The following FIG4 variants were observed in gnomAD, a reference collection of about 807,000 sequenced individuals.
FIG4 encodes the protein polyphosphoinositide phosphatase.
In FIG4, 112 loss-of-function variants were observed where a neutral mutation model predicts 118.6. The observed-to-expected ratio is 0.94, with a 90% CI of 0.81 to 1.11. The LOEUF (loss-of-function observed/expected upper bound fraction) is 1.11. FIG4 is among the 50% of genes least tolerant of loss of function. FIG4 has a pLI of 0.00. For synonymous variants in FIG4, 369 were observed against 381.2 expected, an observed-to-expected ratio of 0.97 and a Z score of 0.37; for missense variants, 969 against 1,111.7, an observed-to-expected ratio of 0.87 and a Z score of 1.83.
chr6:109,809,551 C>T (rs1778664359), intron 22 of FIG4, among the ~76,000 whole-genome samples: 1 of 152,070 alleles, frequency 6.6e-6, no homozygotes, highest in Non-Finnish European at 1.5e-5. Context: ...AGTTTGAGAA[C>T]TTGTTCGCAT....
At chr6:109,768,308 A>G (rs982226001) in intron 15 of FIG4, among the ~76,000 whole-genome samples, 3 of 152,180 alleles carry the variant, frequency 2.0e-5, no homozygotes, top group Non-Finnish European at 2.9e-5. Context: ...AGGGAATTGT[A>G]AGAGAGTCCC....
In FIG4 at chr6:109,811,074, G is replaced by T. The variant is rs73525132; in HGVS notation, c.2547-14014G>T. Among the ~76,000 whole-genome samples, 1,082 of 152,192 alleles carry T rather than the reference G, an allele frequency of 7.1e-3. 17 individuals are homozygous for T. The highest frequency in any genetic ancestry group is 0.025 in the African/African-American group (1,048 of 41,538). On this transcript the variant is annotated intron_variant, in intron 22 of 22. Coordinates refer to ENST00000230124, the MANE Select transcript of FIG4 (RefSeq NM_014845.6). ...ACAGACCTTTCTCATGTGCAGTGTT[G>T]GTTAATTTTTCATGTCACGTGCAGT... is the stretch of plus-strand genomic sequence containing the variant.
chr6:109,776,780 T>C, intron 15 of FIG4, 142 bp from the exon 16 acceptor site: 1 of 673,562 alleles, frequency 1.5e-6, no homozygotes. Flanking sequence ...GTAACTTATG[T>C]GTGTGTGTAT....
intron 22 of FIG4, among the ~76,000 whole-genome samples, chr6:109,810,694 A>G (rs1778695777): frequency 6.6e-6 from 1 of 152,246 alleles, no homozygotes; most frequent in Admixed American, 6.5e-5. Context: ...TAAATTGTTT[A>G]GTGCCCTCAG....
chr6:109,786,297 C>A lies in FIG4; in HGVS notation c.1949-5C>A. ...TTTTAGAGTAACATGCAGTATCTCT[C>A]TTAGTTATCTGTGCTGTGAACTTAA... On this transcript the variant is annotated splice_polypyrimidine_tract_variant and splice_region_variant and intron_variant, in intron 17 of 22. Transcript: ENST00000230124. 1 of 1,610,444 alleles carries A rather than the reference C, an allele frequency of 6.2e-7. No individual in the cohort carries two copies. The highest frequency in any genetic ancestry group is 8.5e-7 in the Non-Finnish European group (1 of 1,177,056).
At chr6:109,691,542 A>T (rs1181099616) in intron 1 of FIG4, 41 bp downstream of exon 1, 2 of 1,508,944 alleles carry the variant, frequency 1.3e-6, no homozygotes, top group Non-Finnish European at 1.8e-6. Flanking sequence ...GGGAGGATGG[A>T]TGTCTGCCGG....
chr6:109,704,194 C>T (rs1774987079), intron 1 of FIG4, among the ~76,000 whole-genome samples: 1 of 152,228 alleles, frequency 6.6e-6, no homozygotes, highest in Non-Finnish European at 1.5e-5. Context: ...GGATCTATTA[C>T]TCTCCTTCCT....
chr6:109,704,154 C>G (rs979134104), intron 1 of FIG4, among the ~76,000 whole-genome samples: 1 of 152,168 alleles, frequency 6.6e-6, no homozygotes, highest in Non-Finnish European at 1.5e-5. Flanking sequence ...TAAGTGGCAC[C>G]ATCATCTAGC....
rs1489507682 is a variant in FIG4, at chr6:109,764,949, AAG to A, written c.1435-63_1435-62del. On this transcript the variant is annotated intron_variant, in intron 13 of 22. Coordinates refer to ENST00000230124, the MANE Select transcript of FIG4 (RefSeq NM_014845.6). ...TGTTTTTGTTTCTTAAAGAAATCTA[AAG>A]TAGTATGGAAGTTCTTTGGTGATGG... 3.6e-5 allele frequency: 46 copies of A among 1,264,044 alleles called. No homozygotes were observed. In the African/African-American group the frequency reaches 6.3e-4, roughly 17 times the overall value. The allele number at this position is 1,264,044 out of a possible 1,614,324, so 78.3% of individuals were successfully genotyped here. A position where few individuals can be genotyped will look rare whatever the true frequency, so the allele number is the denominator to read the frequency against.
chr6:109,796,902 T>C lies in FIG4; in HGVS notation c.2546+51T>C, dbSNP rs1019380432. On this transcript the variant is annotated intron_variant, in intron 22 of 22. Coordinates refer to ENST00000230124, the MANE Select transcript of FIG4 (RefSeq NM_014845.6). ...GAAATCTTTGTATTCATGCCACTCA[T>C]AGGGCTTTCTTTAAAGACTTTTTAA... The C allele has an allele frequency of 4.8e-6, 5 of 1,039,636 alleles. No homozygotes were observed. In the African/African-American group the frequency reaches 7.8e-5, roughly 16 times the overall value. 64.4% of individuals were successfully genotyped at this position (1,039,636 alleles called of 1,614,324 possible).
At chr6:109,824,353 C>G (rs1212298239) in intron 22 of FIG4, among the ~76,000 whole-genome samples, 2 of 152,212 alleles carry the variant, frequency 1.3e-5, no homozygotes, top group Non-Finnish European at 2.9e-5. Context: ...TAATACATCC[C>G]CAGTGTGATT....
intron 1 of FIG4, among the ~76,000 whole-genome samples, chr6:109,704,453 C>T (rs557972865): frequency 7.2e-5 from 11 of 152,076 alleles, no homozygotes; most frequent in Admixed American, 2.6e-4. Flanking sequence ...GTCAGGAGTT[C>T]AAGACCAGCC....
At chr6:109,800,939 A>G (rs776184693) in intron 22 of FIG4, among the ~76,000 whole-genome samples, 60 of 152,288 alleles carry the variant, frequency 3.9e-4, no homozygotes, top group Admixed American at 9.2e-4. Context: ...TGGAGTGGCA[A>G]GACTTGCTGT....
intron 8 of FIG4, among the ~76,000 whole-genome samples, chr6:109,741,873 G>A (rs1776334819): frequency 6.6e-6 from 1 of 152,008 alleles, no homozygotes; most frequent in Non-Finnish European, 1.5e-5. Flanking sequence ...ATACTGTATT[G>A]TTAAGGGAAT....
At chr6:109,745,600 T>G (rs951455463) in intron 10 of FIG4, among the ~76,000 whole-genome samples, 1 of 152,196 alleles carries the variant, frequency 6.6e-6, no homozygotes, top group Admixed American at 6.5e-5. Flanking sequence ...GCCTGTTTAC[T>G]CTGATGATAG....
rs1171563614 is a variant in FIG4, at chr6:109,786,095, G to A, written c.1949-207G>A. On this transcript the variant is annotated intron_variant, in intron 17 of 22. Coordinates refer to ENST00000230124, the MANE Select transcript of FIG4 (RefSeq NM_014845.6). ...CCCTCCTGGCTCCTTAGAGCTTGTT[G>A]AACTCAGCTTTGCATTGTATTTTCT... 3 of 572,388 alleles carry A rather than the reference G, an allele frequency of 5.2e-6. No homozygotes were observed. The East Asian group carries it at 8.8e-5, about 17-fold the overall frequency. 35.5% of individuals were successfully genotyped at this position (572,388 alleles called of 1,614,324 possible). A position where few individuals can be genotyped will look rare whatever the true frequency, so the allele number is the denominator to read the frequency against.
intron 16 of FIG4, among the ~76,000 whole-genome samples, chr6:109,784,202 A>G (rs1012483075): frequency 6.6e-6 from 1 of 152,126 alleles, no homozygotes; most frequent in Non-Finnish European, 1.5e-5. Context: ...GAACTTTGAC[A>G]TATATCCTTT....
At chr6:109,797,937 T>C (rs566381280) in intron 22 of FIG4, among the ~76,000 whole-genome samples, 1 of 150,384 alleles carries the variant, frequency 6.6e-6, no homozygotes, top group East Asian at 1.9e-4. Flanking sequence ...GGAAATTCAG[T>C]GAGGTAGTAT....
chr6:109,718,474 T>C (rs1775503783), intron 3 of FIG4, among the ~76,000 whole-genome samples: 1 of 152,244 alleles, frequency 6.6e-6, no homozygotes, highest in Non-Finnish European at 1.5e-5. Flanking sequence ...TGTGACTGTA[T>C]GTCTATGAAA....
Sources: gnomAD v4.1 joint callset for allele counts (sites outside exome capture counted in the v4.1 genomes callset) on GRCh38, gnomAD v4.1.1 for gene constraint, MANE v1.5 for transcripts, NCBI Gene and HGNC (gene_info 2026-07-23, HGNC 2026-07-21) for gene names.